Variants in HHAT observed in about 807,000 individuals in gnomAD.
The protein encoded by HHAT is hedgehog acyltransferase, also known as protein-cysteine N-palmitoyltransferase HHAT.
HHAT carries 47 observed loss-of-function variants against 70.8 expected under a neutral mutation model. The observed-to-expected ratio is 0.66, with a 90% CI of 0.53 to 0.85. The LOEUF is 0.85. Among genes scored for constraint, HHAT ranks in the 40% least tolerant of loss-of-function variants. HHAT has a pLI of 0.00. For synonymous variants in HHAT, 228 were observed against 247.6 expected (o/e 0.92, Z 0.74); for missense variants, 609 against 604.8 (o/e 1.01, Z -0.07).
chr1:210,503,713 A>G (rs941668132), intron 8 of HHAT, among the ~76,000 whole-genome samples: 1 of 151,986 alleles, frequency 6.6e-6, no homozygotes, highest in Non-Finnish European at 1.5e-5. Flanking sequence ...TCCTCTCTTC[A>G]CTTGGCTCTA....
intron 9 of HHAT, among the ~76,000 whole-genome samples, chr1:210,539,397 C>T (rs2095406521): frequency 6.6e-6 from 1 of 152,226 alleles, no homozygotes; most frequent in African/African-American, 2.4e-5. Flanking sequence ...CCTCTTCTCA[C>T]AGAATAGTCT....
At chr1:210,334,677 TTTTTTA>T (rs1202567213) in intron 1 of HHAT, among the ~76,000 whole-genome samples, 6 of 151,424 alleles carry the variant, frequency 4.0e-5, no homozygotes, top group Non-Finnish European at 7.4e-5. Flanking sequence ...ACCTTTTTAT[TTTTTTA>T]TTTTTATTTT....
At chr1:210,642,816 A>G (rs1673229041) in intron 11 of HHAT, among the ~76,000 whole-genome samples, 1 of 151,944 alleles carries the variant, frequency 6.6e-6, no homozygotes, top group African/African-American at 2.4e-5. Flanking sequence ...TCTTTTAATG[A>G]TGTTTTCTGA....
intron 2 of HHAT, among the ~76,000 whole-genome samples, chr1:210,353,533 C>A (rs1019990183): frequency 1.5e-5 from 2 of 137,538 alleles, no homozygotes; most frequent in African/African-American, 5.5e-5. Flanking sequence ...TGTTTTATTT[C>A]TTCTTGTACC....
chr1:210,340,278 G>T (rs1341407261), intron 1 of HHAT, among the ~76,000 whole-genome samples: 2 of 145,628 alleles, frequency 1.4e-5, no homozygotes, highest in African/African-American at 5.0e-5. Flanking sequence ...AGACTCAAGT[G>T]GGGTTTGGAG....
chr1:210,490,616 G>C (rs1317168864), intron 8 of HHAT, among the ~76,000 whole-genome samples: 3 of 152,152 alleles, frequency 2.0e-5, no homozygotes, highest in African/African-American at 7.2e-5. Context: ...TGTGTCCTCA[G>C]GCAAATGAGA....
intron 11 of HHAT, among the ~76,000 whole-genome samples, chr1:210,637,797 T>C (rs1573918563): frequency 6.8e-6 from 1 of 147,874 alleles, no homozygotes. Flanking sequence ...GAGGCAGAGG[T>C]TGCAGTGAGC....
chr1:210,411,296 C>T (rs1018621075), intron 6 of HHAT, among the ~76,000 whole-genome samples: 4 of 152,176 alleles, frequency 2.6e-5, no homozygotes, highest in African/African-American at 9.7e-5. Context: ...TCCTGGCCTT[C>T]AGGGAACCTG....
chr1:210,381,429 C>T (rs781007380), intron 3 of HHAT, among the ~76,000 whole-genome samples: 8 of 152,006 alleles, frequency 5.3e-5, no homozygotes, highest in African/African-American at 1.2e-4. Context: ...TGTAAGTATG[C>T]GCCAGCACTC....
intron 11 of HHAT, among the ~76,000 whole-genome samples, chr1:210,653,963 C>A (rs140448580): frequency 2.8e-3 from 1 of 362 alleles, no homozygotes; most frequent in African/African-American, 0.015. Context: ...AATAGTGTGA[C>A]GGGAATAGTG....
chr1:210,460,445 C>T (rs896842034), intron 7 of HHAT, among the ~76,000 whole-genome samples: 7 of 152,152 alleles, frequency 4.6e-5, no homozygotes, highest in African/African-American at 9.7e-5. Context: ...ATGCTTGGCA[C>T]GTATGTACAC....
At chr1:210,507,728 G>GC (rs2094885177) in intron 8 of HHAT, among the ~76,000 whole-genome samples, 1 of 152,034 alleles carries the variant, frequency 6.6e-6, no homozygotes, top group African/African-American at 2.4e-5. Context: ...TACAAGGGAG[G>GC]CCCCACCCCT....
intron 11 of HHAT, among the ~76,000 whole-genome samples, chr1:210,647,534 G>A (rs1029241208): frequency 1.3e-5 from 2 of 152,062 alleles, no homozygotes; most frequent in East Asian, 1.9e-4. Flanking sequence ...TGCCTTATGC[G>A]GTACCCTGGC....
rs1429412885 is a variant in HHAT, at chr1:210,449,393, T to C, written c.857-15112T>C. 2.0e-5 allele frequency among the ~76,000 whole-genome samples: 3 copies of C among 152,208 alleles called. No homozygotes were observed. The South Asian group carries it at 6.2e-4, about 32-fold the overall frequency. ...AAAGTCGTGCTTCGTGGCTGACGAG[T>C]GTGACCCTTTCTGATCATGCCTTTC... On this transcript the variant is annotated intron_variant, in intron 7 of 11. Transcript: ENST00000261458.
In HHAT at chr1:210,620,710, T is replaced by C. The variant is rs1668647776; in HGVS notation, c.1246-2816T>C. 2.0e-5 allele frequency among the ~76,000 whole-genome samples: 3 copies of C among 152,224 alleles called. No individual in the cohort carries two copies. The South Asian group carries it at 6.2e-4, about 32-fold the overall frequency. On this transcript the variant is annotated intron_variant, in intron 10 of 11. Transcript: ENST00000261458. ...ATCTTGATTTCTCCTTTAAATCCTTTTAGTTTGATTCTAACAGGCTGTGCT... is the reference window on the plus strand; with the variant it reads ...ATCTTGATTTCTCCTTTAAATCCTTCTAGTTTGATTCTAACAGGCTGTGCT...
intron 9 of HHAT, among the ~76,000 whole-genome samples, chr1:210,564,018 A>G (rs1177083699): frequency 6.6e-6 from 1 of 152,024 alleles, no homozygotes; most frequent in South Asian, 2.1e-4. Flanking sequence ...CAGTGGTGCA[A>G]TCTCAGCTCA....
Position 210,433,458 on chromosome 1 carries a change from A to G in HHAT, c.856+15133A>G, listed in dbSNP as rs1003361790. On this transcript the variant is annotated intron_variant, in intron 7 of 11. Coordinates refer to ENST00000261458, the MANE Select transcript of HHAT (RefSeq NM_018194.6). ...GATCGCTGCAAGTTAACAGAAATAG[A>G]GAATATAAATAGAGGTTGTTTCTCG... Among the ~76,000 whole-genome samples, 5 of 151,958 alleles carry G rather than the reference A, an allele frequency of 3.3e-5. No homozygotes were observed. In the South Asian group the frequency reaches 6.2e-4, roughly 19 times the overall value.
chr1:210,498,770 T>C (rs1364790342), intron 8 of HHAT, among the ~76,000 whole-genome samples: 1 of 126,592 alleles, frequency 7.9e-6, no homozygotes, highest in Non-Finnish European at 1.6e-5. Flanking sequence ...CTGTTTTTTT[T>C]TTTCTTTTTT....
intron 9 of HHAT, among the ~76,000 whole-genome samples, chr1:210,575,106 C>T: frequency 6.6e-6 from 1 of 152,028 alleles, no homozygotes; most frequent in Non-Finnish European, 1.5e-5. Flanking sequence ...TGGGAAATGC[C>T]TTAGGGGCAA....
Sources: gnomAD v4.1 joint callset for allele counts (sites outside exome capture counted in the v4.1 genomes callset) on GRCh38, gnomAD v4.1.1 for gene constraint, MANE v1.5 for transcripts, NCBI Gene and HGNC (gene_info 2026-07-23, HGNC 2026-07-21) for gene names.